Variants in CDYL observed in about 807,000 individuals in gnomAD.
CDYL encodes chromodomain Y like.
Under a neutral mutation model 47.3 loss-of-function variants are expected in CDYL, and 8 were observed. That is an observed-to-expected ratio of 0.17 (90% CI 0.10 to 0.31). The LOEUF is 0.31. CDYL is among the 10% of genes least tolerant of loss of function. The pLI is 1.00. For missense variants in CDYL, 471 were observed against 701.4 expected (o/e 0.67, Z 3.71); for synonymous variants, 266 against 265.0 (o/e 1.00, Z -0.04).
chr6:4,787,663 T>C (rs1350596571), intron 1 of CDYL, among the ~76,000 whole-genome samples: 3 of 151,238 alleles, frequency 2.0e-5, no homozygotes, highest in African/African-American at 7.3e-5. Flanking sequence ...GGCAGCTTCA[T>C]GGCAACGCTG....
intron 2 of CDYL, among the ~76,000 whole-genome samples, chr6:4,906,391 C>T (rs1366502572): frequency 2.6e-5 from 4 of 152,284 alleles, no homozygotes; most frequent in African/African-American, 4.8e-5. Context: ...TAGGTGAGTG[C>T]GGAAGATCAC....
intron 1 of CDYL, among the ~76,000 whole-genome samples, chr6:4,713,637 G>A (rs993991992): frequency 2.0e-5 from 3 of 150,312 alleles, no homozygotes; most frequent in Non-Finnish European, 4.4e-5. Flanking sequence ...GCCCAGGCTG[G>A]AGTGCAGTGG....
At position 4,891,838 on chromosome 6, in the gene CDYL, A is replaced by C; in HGVS notation, c.150A>C (p.Glu50Asp). ...AACAGCACCTCGTGAACTGTGAGGA[A>C]TACATCCACGACTTCAACAGACGCC... is the stretch of plus-strand genomic sequence containing the variant. ...EPEQHLVNCE[E>D]YIHDFNRRHT... Residue 50 changes from glutamate (E) to aspartate (D), a missense_variant, in exon 2 of 7, where the codon GAA (glutamate) becomes GAC (aspartate). Coordinates refer to ENST00000397588, the MANE Select transcript of CDYL (RefSeq NM_004824.4). The C allele has an allele frequency of 6.2e-7, 1 of 1,614,184 alleles. No individual in the cohort carries two copies. Among genetic ancestry groups the C allele is most frequent in the Middle Eastern group, 1.6e-4 (1 of 6,062 alleles).
At chr6:4,815,740 C>T (rs1449498101) in intron 1 of CDYL, among the ~76,000 whole-genome samples, 1 of 125,260 alleles carries the variant, frequency 8.0e-6, no homozygotes, top group Non-Finnish European at 1.6e-5. Flanking sequence ...TAATGTTCTT[C>T]GATCAGGCAG....
chr6:4,748,924 T>A (rs1303337414), intron 3 of CDYL, among the ~76,000 whole-genome samples: 1 of 152,158 alleles, frequency 6.6e-6, no homozygotes, highest in Non-Finnish European at 1.5e-5. Context: ...CCTCCTATAA[T>A]AGAACAGTGA....
chr6:4,732,761 A>C (rs367959914), intron 2 of CDYL, among the ~76,000 whole-genome samples: 16 of 152,154 alleles, frequency 1.1e-4, no homozygotes, highest in Admixed American at 4.6e-4. Context: ...AAAGCAATAG[A>C]TAAGCAAATG....
chr6:4,753,950 G>A (rs1758036605), intron 3 of CDYL, among the ~76,000 whole-genome samples: 1 of 151,786 alleles, frequency 6.6e-6, no homozygotes, highest in Non-Finnish European at 1.5e-5. Context: ...TTTCCCTTTG[G>A]CAATTTGTTT....
chr6:4,769,828 G>A (rs947154465), intron 3 of CDYL, among the ~76,000 whole-genome samples: 36 of 152,038 alleles, frequency 2.4e-4, no homozygotes, highest in Non-Finnish European at 3.7e-4. Context: ...ACGGAGTCTC[G>A]CTCTGTTGCC....
At position 4,723,646 on chromosome 6, in the gene CDYL, A is replaced by C. The variant is rs147990633; in HGVS notation, c.103+7765A>C. Among the ~76,000 whole-genome samples, 76 of 152,214 alleles carry C rather than the reference A, an allele frequency of 5.0e-4. 1 individual carries two copies. In the Middle Eastern group the frequency reaches 0.014, roughly 27 times the overall value. On this transcript the variant is annotated intron_variant, in intron 2 of 8. Transcript: ENST00000328908. ...CTAGCACTGTGCCTCCCACTGGGTA[A>C]ATCTGACTACAAGGCAGAGGAAGGG...
At chr6:4,908,877 T>G (rs1482704989) in intron 2 of CDYL, among the ~76,000 whole-genome samples, 1 of 152,226 alleles carries the variant, frequency 6.6e-6, no homozygotes, top group Non-Finnish European at 1.5e-5. Flanking sequence ...CTCCTGTGCA[T>G]GGTCACATTC....
At chr6:4,864,570 C>T (rs1224748678) in intron 1 of CDYL, among the ~76,000 whole-genome samples, 2 of 152,110 alleles carry the variant, frequency 1.3e-5, no homozygotes, top group South Asian at 2.1e-4. Flanking sequence ...AGAATTCCTA[C>T]GTGTTGTGAT....
chr6:4,746,451 A>G lies in CDYL; in HGVS notation c.186+11607A>G, dbSNP rs576093106. Among the ~76,000 whole-genome samples the G allele has an allele frequency of 7.2e-5, 11 of 152,244 alleles. No homozygotes were observed. The South Asian group carries it at 2.1e-3, about 29-fold the overall frequency. ...ATGAAGGAAATCAATGAGTCTATCA[A>G]GGTAATGCAGTGATGAAATGGTGAG... On this transcript the variant is annotated intron_variant, in intron 3 of 8. Transcript: ENST00000328908.
chr6:4,905,771 AT>A (rs1757216909), intron 2 of CDYL, among the ~76,000 whole-genome samples: 1 of 151,590 alleles, frequency 6.6e-6, no homozygotes, highest in South Asian at 2.1e-4. Context: ...TTTTAGTTTT[AT>A]TTGTTCCCCT....
intron 1 of CDYL, among the ~76,000 whole-genome samples, chr6:4,823,299 A>T (rs1759891032): frequency 6.6e-6 from 1 of 152,188 alleles, no homozygotes; most frequent in African/African-American, 2.4e-5. Flanking sequence ...CCATTTCCAA[A>T]TTATGTATAC....
intron 1 of CDYL, among the ~76,000 whole-genome samples, chr6:4,708,175 C>T (rs988274470): frequency 0.016 from 1,746 of 110,720 alleles, 38 homozygotes; most frequent in African/African-American, 0.086. Flanking sequence ...CACACACACA[C>T]ACATATATAT....
chr6:4,729,761 T>C (rs1757573085), intron 2 of CDYL, among the ~76,000 whole-genome samples: 2 of 151,964 alleles, frequency 1.3e-5, no homozygotes, highest in Non-Finnish European at 1.5e-5. Context: ...CTACAAAAAA[T>C]ACAAAAATTA....
At chr6:4,877,550 G>T (rs544848899) in intron 1 of CDYL, among the ~76,000 whole-genome samples, 13 of 152,256 alleles carry the variant, frequency 8.5e-5, no homozygotes, top group Admixed American at 5.9e-4. Flanking sequence ...TGGATATCCA[G>T]TATCCCAGCT....
intron 2 of CDYL, among the ~76,000 whole-genome samples, chr6:4,924,769 T>C (rs1404930754): frequency 6.6e-6 from 1 of 152,180 alleles, no homozygotes; most frequent in East Asian, 1.9e-4. Flanking sequence ...TAATGTGATA[T>C]ATGTGATCCT....
chr6:4,768,206 T>C (rs1758285562), intron 3 of CDYL, among the ~76,000 whole-genome samples: 1 of 152,262 alleles, frequency 6.6e-6, no homozygotes, highest in African/African-American at 2.4e-5. Flanking sequence ...CTTTAGATTT[T>C]AGCTCGCTAG....
Sources: gnomAD v4.1 joint callset for allele counts (sites outside exome capture counted in the v4.1 genomes callset) on GRCh38, gnomAD v4.1.1 for gene constraint, MANE v1.5 for transcripts, NCBI Gene and HGNC (gene_info 2026-07-23, HGNC 2026-07-21) for gene names.